JAGN1: variants seen among roughly 807,000 people sequenced by gnomAD.
JAGN1 encodes the protein protein jagunal homolog 1.
JAGN1 carries 13 observed loss-of-function variants against 17.1 expected under a neutral mutation model. The observed-to-expected ratio is 0.76, with a 90% CI of 0.49 to 1.21. The LOEUF (loss-of-function observed/expected upper bound fraction) is 1.21, where lower values mean the gene tolerates loss of function less well. Ranked by LOEUF, JAGN1 falls within the 50% of genes most tolerant of loss-of-function variation. JAGN1 has a pLI of 0.00. For missense variants in JAGN1, 256 were observed against 234.2 expected, an observed-to-expected ratio of 1.09 and a Z score of -0.61; for synonymous variants, 111 against 91.0, an observed-to-expected ratio of 1.22 and a Z score of -1.25.
chr3:9,892,595 C>T (rs1291706884), intron 1 of JAGN1, among the ~76,000 whole-genome samples: 1 of 152,124 alleles, frequency 6.6e-6, no homozygotes, highest in Non-Finnish European at 1.5e-5. Context: ...TTTTTGTCTG[C>T]ATGCTCCTGC....
chr3:9,892,969 G>T lies in JAGN1; in HGVS notation c.144G>T (p.Trp48Cys). ...KKLIYVHLVI[W>C]LLLVAKMSVG... ...TGATCTACGTACATCTGGTCATATGGCTGCTGCTGGTTGCTAAGATGAGCG... is the reference window on the plus strand; with the variant it reads ...TGATCTACGTACATCTGGTCATATGTCTGCTGCTGGTTGCTAAGATGAGCG... Residue 48 changes from tryptophan to cysteine, a missense_variant, in exon 2 of 2, where the codon TGG becomes TGT. By Grantham distance (215) the Trp-to-Cys change is radical (BLOSUM62 -2). Transcript: ENST00000647897. 6.2e-7 allele frequency: 1 copy of T among 1,614,160 alleles called. No individual in the cohort carries two copies. The highest frequency in any genetic ancestry group is 2.2e-5 in the East Asian group (1 of 44,886).
In JAGN1 at chr3:9,893,717, T is replaced by A; in HGVS notation, c.*340T>A. The A allele has an allele frequency of 4.0e-6, 1 of 247,296 alleles. No homozygotes were observed. Among genetic ancestry groups the A allele is most frequent in the South Asian group, 7.4e-5 (1 of 13,432 alleles). The allele number at this position is 247,296 out of a possible 1,614,324, so 15.3% of individuals were successfully genotyped here. ...CCTTAGCCATTGAGACTAAAGGAAA[T>A]AGGGAATAAATCAAATTACTTCATC... On this transcript the variant is annotated 3_prime_UTR_variant, in exon 2 of 2. Coordinates refer to ENST00000647897, the MANE Select transcript of JAGN1 (RefSeq NM_032492.4).
In JAGN1 at chr3:9,893,045, T is replaced by G. The variant is rs1490815891; in HGVS notation, c.220T>G (p.Trp74Gly). The G allele has an allele frequency of 6.2e-7, 1 of 1,614,062 alleles. No homozygotes were observed. The highest frequency in any genetic ancestry group is 1.3e-5 in the African/African-American group (1 of 74,930). Residue 74 changes from tryptophan to glycine, a missense_variant, in exon 2 of 2, where the codon TGG (tryptophan) becomes GGG (glycine). Transcript: ENST00000647897. ...SHDQVAMPYQ[W>G]EYPYLLSILP... is the part of the protein sequence containing the mutation. ...TGATCAGGTGGCCATGCCCTATCAG[T>G]GGGAATACCCGTATTTGCTGAGCAT... is the stretch of plus-strand genomic sequence containing the variant.
Position 9,892,922 on chromosome 3 carries a change from C to T in JAGN1, c.97C>T (p.Leu33Phe). 6.2e-7 allele frequency: 1 copy of T among 1,609,884 alleles called. No individual in the cohort carries two copies. Among genetic ancestry groups the T allele is most frequent in the Non-Finnish European group, 8.5e-7 (1 of 1,176,426 alleles). The change falls in exon 2 of 2, where the codon CTC becomes TTC. Residue 33 changes from leucine (L) to phenylalanine (F), a missense_variant. Physicochemically the swap from Leu to Phe is conservative, Grantham distance 22. Coordinates refer to ENST00000647897, the MANE Select transcript of JAGN1 (RefSeq NM_032492.4). ...CTCTGCTCTGCCCCACAGTGTGACT[C>T]TCAAGTATGAAATCAAGAAGCTGAT... ...VAMHYQMSVTLKYEIKKLIYV... is the reference protein window; with the variant it reads ...VAMHYQMSVTFKYEIKKLIYV...
Position 9,893,355 on chromosome 3 carries a change from CA to C in JAGN1, c.531del (p.Gln178ArgfsTer12), listed in dbSNP as rs749140125. On this transcript the variant is annotated frameshift_variant, in exon 2 of 2. Transcript: ENST00000647897. LOFTEE classifies it high-confidence loss of function. Reference sequence around the variant, plus strand: ...CTCCTAGACTCTTGGTTCACCAGCACACAGGAGAAGAAGCATAAATGAAGCC... The same window carrying C: ...CTCCTAGACTCTTGGTTCACCAGCACCAGGAGAAGAAGCATAAATGAAGCC... The part of the protein sequence containing the change: ...KKLLDSWFTS[T>X]QEKKHK 1 of 1,612,934 alleles carries C rather than the reference CA, an allele frequency of 6.2e-7. No homozygotes were observed. The highest frequency in any genetic ancestry group is 8.5e-7 in the Non-Finnish European group (1 of 1,179,418).
At position 9,893,678 on chromosome 3, in the gene JAGN1, T is replaced by G; in HGVS notation, c.*301T>G. On this transcript the variant is annotated 3_prime_UTR_variant, in exon 2 of 2. Coordinates refer to ENST00000647897, the MANE Select transcript of JAGN1 (RefSeq NM_032492.4). Reference sequence around the variant, plus strand: ...GCCTCTACTCGGTCATTCTCCCCATTTCCATCCATTACCCCTTAGCCATTG... The same window carrying G: ...GCCTCTACTCGGTCATTCTCCCCATGTCCATCCATTACCCCTTAGCCATTG... 2.8e-6 allele frequency: 1 copy of G among 359,370 alleles called. No individual in the cohort carries two copies. 22.3% of individuals were successfully genotyped at this position (359,370 alleles called of 1,614,324 possible).
chr3:9,893,140 C>A lies in JAGN1; in HGVS notation c.315C>A (p.Ile105=), dbSNP rs185449117. Reference sequence around the variant, plus strand: ...TTAGCTACCTGGTGCTCTCCATGATCAGCATGGGACTCTTTTCCATCGCTC... The same window carrying A: ...TTAGCTACCTGGTGCTCTCCATGATAAGCATGGGACTCTTTTCCATCGCTC... ...NNISYLVLSM[I]SMGLFSIAPL... The change falls in exon 2 of 2, where the codon ATC becomes ATA. Residue 105 remains isoleucine, a synonymous_variant. Transcript: ENST00000647897. 1.9e-4 allele frequency: 309 copies of A among 1,614,198 alleles called. 2 individuals are homozygous for A. The East Asian group carries it at 4.2e-3, about 22-fold the overall frequency.
In JAGN1 at chr3:9,893,514, C is replaced by A; in HGVS notation, c.*137C>A. ...GACCAGGCCAAAGTTCTGGAAAGCTCCTTTTGCCATCTGCTGAGGTGGCAA... is the reference window on the plus strand; with the variant it reads ...GACCAGGCCAAAGTTCTGGAAAGCTACTTTTGCCATCTGCTGAGGTGGCAA... On this transcript the variant is annotated 3_prime_UTR_variant, in exon 2 of 2. Coordinates refer to ENST00000647897, the MANE Select transcript of JAGN1 (RefSeq NM_032492.4). 1.4e-6 allele frequency: 1 copy of A among 698,030 alleles called. No homozygotes were observed. Among genetic ancestry groups the A allele is most frequent in the Non-Finnish European group, 2.3e-6 (1 of 432,392 alleles). The allele number at this position is 698,030 out of a possible 1,614,324, so 43.2% of individuals were successfully genotyped here. A position where few individuals can be genotyped will look rare whatever the true frequency, so the allele number is the denominator to read the frequency against.
In JAGN1 at chr3:9,893,420, G is replaced by C; in HGVS notation, c.*43G>C. ...GCCTGGACATCCCATCGAATGAAAG[G>C]ACACTAGTACAGCGGTTCCAAAATC... is the stretch of plus-strand genomic sequence containing the variant. On this transcript the variant is annotated 3_prime_UTR_variant, in exon 2 of 2. Transcript: ENST00000647897. The C allele has an allele frequency of 2.1e-6, 3 of 1,461,534 alleles. No homozygotes were observed. Among genetic ancestry groups the C allele is most frequent in the Non-Finnish European group, 2.8e-6 (3 of 1,077,534 alleles). 90.5% of individuals were successfully genotyped at this position (1,461,534 alleles called of 1,614,324 possible). A position where few individuals can be genotyped will look rare whatever the true frequency, so the allele number is the denominator to read the frequency against.
Position 9,890,778 on chromosome 3 carries a change from A to T in JAGN1, c.56A>T (p.His19Leu). 2 of 1,609,920 alleles carry T rather than the reference A, an allele frequency of 1.2e-6. No homozygotes were observed. The highest frequency in any genetic ancestry group is 1.7e-6 in the Non-Finnish European group (2 of 1,178,758). ...GGCACCGACGGCAGCGACTTTCAGCACCGGGAGCGCGTCGCCATGCACTAC... is the reference window on the plus strand; with the variant it reads ...GGCACCGACGGCAGCGACTTTCAGCTCCGGGAGCGCGTCGCCATGCACTAC... Reference protein sequence around the residue: ...AAGTDGSDFQHRERVAMHYQM... With the variant: ...AAGTDGSDFQLRERVAMHYQM... The change falls in exon 1 of 2, where the codon CAC becomes CTC. Residue 19 changes from histidine (H) to leucine (L), a missense_variant. Coordinates refer to ENST00000647897, the MANE Select transcript of JAGN1 (RefSeq NM_032492.4).
At chr3:9,890,969 C>G (rs554735337) in intron 1 of JAGN1, among the ~76,000 whole-genome samples, 158 bp downstream of exon 1, 1 of 152,182 alleles carries the variant, frequency 6.6e-6, no homozygotes, top group East Asian at 1.9e-4. Flanking sequence ...GCCTGTCCCC[C>G]ATCCTGGAAA....
In JAGN1 at chr3:9,890,936, CCCT is replaced by C. The variant is rs774444949; in HGVS notation, c.89+131_89+133del. The C allele has an allele frequency of 7.1e-4, 578 of 811,964 alleles. 3 individuals are homozygous for C. In the Middle Eastern group the frequency reaches 0.012, roughly 16 times the overall value. 50.3% of individuals were successfully genotyped at this position (811,964 alleles called of 1,614,324 possible). ...CCAGCCCCCGCTCACCTGCCAAGTC[CCCT>C]CCTCCCGTGACGGCTTCGGGCCTGT... On this transcript the variant is annotated intron_variant, in intron 1 of 1. Transcript: ENST00000647897.
intron 1 of JAGN1, among the ~76,000 whole-genome samples, chr3:9,891,037 A>G (rs1047663790): frequency 6.6e-6 from 1 of 152,198 alleles, no homozygotes; most frequent in African/African-American, 2.4e-5. Flanking sequence ...GAGGGGATCC[A>G]GCCCCGCGTG....
intron 1 of JAGN1, 45 bp downstream of exon 1, chr3:9,890,856 A>C: frequency 1.3e-6 from 2 of 1,487,830 alleles, no homozygotes; most frequent in Non-Finnish European, 1.8e-6. Flanking sequence ...CCCCCGCTGG[A>C]GCCTGCGGGG....
intron 1 of JAGN1, among the ~76,000 whole-genome samples, chr3:9,892,617 A>G (rs2082570576): frequency 6.6e-6 from 1 of 152,146 alleles, no homozygotes; most frequent in African/African-American, 2.4e-5. Context: ...TGGGATGCCC[A>G]TCTTCACTCA....
At chr3:9,892,862 G>C in intron 1 of JAGN1, 53 bp from the exon 2 acceptor site, 1 of 1,229,568 alleles carries the variant, frequency 8.1e-7, no homozygotes, top group Non-Finnish European at 1.2e-6. Context: ...CTGGCATATA[G>C]TTGGTGGTAA....
rs192143307 is a variant in JAGN1, at chr3:9,891,314, G to T, written c.89+503G>T. Among the ~76,000 whole-genome samples the T allele has an allele frequency of 5.7e-3, 875 of 152,278 alleles. 14 individuals carry two copies. The South Asian group carries it at 0.06, about 10-fold the overall frequency. The stretch of plus-strand genomic sequence containing the variant: ...AGGCAGCCTTTCCTAAGGACGCCTT[G>T]CCTAAAATGAATTTTATAAACACTC... On this transcript the variant is annotated intron_variant, in intron 1 of 1. Coordinates refer to ENST00000647897, the MANE Select transcript of JAGN1 (RefSeq NM_032492.4).
In JAGN1 at chr3:9,894,037, G is replaced by C. The variant is rs2082580769; in HGVS notation, c.*660G>C. The C allele has an allele frequency of 1.3e-5, 2 of 152,336 alleles. No individual in the cohort carries two copies. The highest frequency in any genetic ancestry group is 4.1e-4 in the South Asian group (2 of 4,842). The allele number at this position is 152,336 out of a possible 1,614,324, so 9.4% of individuals were successfully genotyped here. On this transcript the variant is annotated 3_prime_UTR_variant, in exon 2 of 2. Coordinates refer to ENST00000647897, the MANE Select transcript of JAGN1 (RefSeq NM_032492.4). ...CTACAGCTGATTGGTAAGAACTATG[G>C]GCCAGACATTTAATCTCTCCATCTA...
chr3:9,893,340 C>T lies in JAGN1; in HGVS notation c.515C>T (p.Ser172Phe). 2 of 1,613,932 alleles carry T rather than the reference C, an allele frequency of 1.2e-6. No homozygotes were observed. Among genetic ancestry groups the T allele is most frequent in the East Asian group, 2.2e-5 (1 of 44,886 alleles). The change falls in exon 2 of 2, where the codon TCT becomes TTT. Residue 172 changes from serine (S) to phenylalanine (F), a missense_variant. Physicochemically the swap from Ser to Phe is radical, Grantham distance 155. Transcript: ENST00000647897. ...QLYYSKKLLD[S>F]WFTSTQEKKH... ...TACTACAGCAAGAAGCTCCTAGACT[C>T]TTGGTTCACCAGCACACAGGAGAAG...
Sources: allele counts gnomAD v4.1 joint callset (sites outside exome capture counted in the v4.1 genomes callset), GRCh38; gene constraint gnomAD v4.1.1; transcripts MANE v1.5; gene names NCBI Gene and HGNC (gene_info 2026-07-23, HGNC 2026-07-21).